Variants in HNF4G observed in about 807,000 individuals in gnomAD.
HNF4G encodes the protein hepatocyte nuclear factor 4-gamma.
In HNF4G, 21 loss-of-function variants were observed where a neutral mutation model predicts 50.9. The observed-to-expected ratio is 0.41, with a 90% CI of 0.29 to 0.59. The LOEUF is 0.59. Ranked by LOEUF, HNF4G falls within the 20% of genes least tolerant of loss-of-function variation. The pLI is 0.26. For missense variants in HNF4G, 527 were observed against 559.4 expected, an observed-to-expected ratio of 0.94 and a Z score of 0.58; for synonymous variants, 198 against 185.6, an observed-to-expected ratio of 1.07 and a Z score of -0.54.
At chr8:75,422,617 C>T (rs914688491) in intron 1 of HNF4G, among the ~76,000 whole-genome samples, 5 of 151,590 alleles carry the variant, frequency 3.3e-5, no homozygotes, top group Admixed American at 3.3e-4. Flanking sequence ...TCTCTGAAAA[C>T]TTATTTCTCT....
chr8:75,558,434 G>A (rs1807194685), intron 6 of HNF4G, 84 bp from the exon 7 acceptor site: 1 of 1,273,416 alleles, frequency 7.9e-7, no homozygotes, highest in African/African-American at 1.5e-5. Flanking sequence ...TTAAACACCG[G>A]TTTGTTAAAT....
Position 75,553,040 on chromosome 8 carries a change from A to C in HNF4G, c.490-2A>C. 1.2e-6 allele frequency: 2 copies of C among 1,600,776 alleles called. No individual in the cohort carries two copies. The highest frequency in any genetic ancestry group is 1.1e-5 in the South Asian group (1 of 89,648). On this transcript the variant is annotated splice_acceptor_variant, in intron 4 of 9. Transcript: ENST00000396423. LOFTEE classifies it high-confidence loss of function. The stretch of plus-strand genomic sequence containing the variant: ...ATAATATAATGCTTTTCTTAATACT[A>C]GATCTCAGTCTCAAGCCCTGGGTCA...
chr8:75,511,267 C>A lies in HNF4G; in HGVS notation c.-24+21059C>A, dbSNP rs548704889. 2.5e-3 allele frequency among the ~76,000 whole-genome samples: 376 copies of A among 152,226 alleles called. 2 individuals are homozygous for A. Among genetic ancestry groups the A allele is most frequent in the Middle Eastern group, 6.8e-3 (2 of 294 alleles). ...TTAGACTGGAATGCCATGTGGATAT[C>A]AACTTTTGTCTAGGCATAGCTCTAT... On this transcript the variant is annotated intron_variant, in intron 2 of 10. Coordinates refer to the HNF4G transcript ENST00000354370.
intron 2 of HNF4G, among the ~76,000 whole-genome samples, chr8:75,510,335 T>C (rs1264697241): frequency 6.6e-6 from 1 of 152,206 alleles, no homozygotes; most frequent in Non-Finnish European, 1.5e-5. Context: ...TAAAATGTTA[T>C]AGTAAGTTAA....
chr8:75,425,233 T>C (rs1160676637), intron 1 of HNF4G, among the ~76,000 whole-genome samples: 2 of 151,936 alleles, frequency 1.3e-5, no homozygotes, highest in African/African-American at 4.8e-5. Flanking sequence ...TACAGGCACC[T>C]GCCATCATGC....
chr8:75,507,492 C>G lies in HNF4G; in HGVS notation c.-24+17284C>G, dbSNP rs1010677109. Among the ~76,000 whole-genome samples, 101 of 152,294 alleles carry G rather than the reference C, an allele frequency of 6.6e-4. 1 individual carries two copies. The highest frequency in any genetic ancestry group is 2.4e-3 in the African/African-American group (98 of 41,576). On this transcript the variant is annotated intron_variant, in intron 2 of 10. Coordinates refer to the HNF4G transcript ENST00000354370. ...GCCAGGCTGGTCTCGAACTCTTGACCTCGTGATCCACCTGCCTTGGCCTCC... is the reference window on the plus strand; with the variant it reads ...GCCAGGCTGGTCTCGAACTCTTGACGTCGTGATCCACCTGCCTTGGCCTCC...
intron 1 of HNF4G, among the ~76,000 whole-genome samples, chr8:75,445,031 A>G (rs2130559164): frequency 6.6e-6 from 1 of 150,944 alleles, no homozygotes; most frequent in African/African-American, 2.4e-5. Context: ...ACTTGGAAGT[A>G]AAGCTCTCCT....
intron 1 of HNF4G, among the ~76,000 whole-genome samples, chr8:75,453,739 A>ATC (rs1292776124): frequency 6.6e-5 from 10 of 152,114 alleles, no homozygotes; most frequent in Admixed American, 1.3e-4. Flanking sequence ...TAAGACCTTG[A>ATC]TCTGTCTTCT....
At chr8:75,483,451 C>T (rs1268479283) in intron 1 of HNF4G, among the ~76,000 whole-genome samples, 1 of 152,138 alleles carries the variant, frequency 6.6e-6, no homozygotes, top group African/African-American at 2.4e-5. Flanking sequence ...TCCACCCATT[C>T]CACCCAGAGA....
At chr8:75,469,575 A>T (rs1409722422) in intron 1 of HNF4G, among the ~76,000 whole-genome samples, 1 of 152,160 alleles carries the variant, frequency 6.6e-6, no homozygotes, top group Non-Finnish European at 1.5e-5. Context: ...GTGGCAGAAG[A>T]CAGAGAAGAA....
rs926858162 is a variant in HNF4G at position 75,467,714 on chromosome 8, A to T, written c.-143-22375A>T. On this transcript the variant is annotated intron_variant, in intron 1 of 10. Transcript: ENST00000354370. ...AGCAAACAGCACACTGAAGTCACAA[A>T]TTTTTATCTATCCATATATTTTACT... 3.9e-5 allele frequency among the ~76,000 whole-genome samples: 6 copies of T among 152,208 alleles called. 1 individual carries two copies. Among genetic ancestry groups the T allele is most frequent in the Admixed American group, 3.3e-4 (5 of 15,276 alleles).
intron 1 of HNF4G, among the ~76,000 whole-genome samples, chr8:75,467,843 G>T (rs1010039824): frequency 1.3e-5 from 2 of 151,962 alleles, no homozygotes; most frequent in Non-Finnish European, 2.9e-5. Context: ...ACAGAATCCA[G>T]AGTCCTAATC....
At chr8:75,480,073 A>G (rs1812340276) in intron 1 of HNF4G, among the ~76,000 whole-genome samples, 1 of 152,192 alleles carries the variant, frequency 6.6e-6, no homozygotes, top group Admixed American at 6.5e-5. Context: ...TATTAAATGT[A>G]TGCTTAATTG....
intron 2 of HNF4G, among the ~76,000 whole-genome samples, chr8:75,497,377 G>A (rs58134566): frequency 0.019 from 2,909 of 152,138 alleles, 89 homozygotes; most frequent in East Asian, 0.14. Context: ...ACCTAATAAT[G>A]TATTGAAGAA....
chr8:75,558,695 G>C, intron 7 of HNF4G, 25 bp downstream of exon 7: 10 of 1,597,428 alleles, frequency 6.3e-6, no homozygotes, highest in Non-Finnish European at 8.6e-6. Context: ...TTCCACTAGA[G>C]AATTAATATA....
intron 2 of HNF4G, chr8:75,527,118 C>T (rs117701750): frequency 1.3e-5 from 2 of 152,086 alleles, no homozygotes; most frequent in African/African-American, 2.4e-5. Context: ...CCCTGTTTGC[C>T]TCATTTTTGT....
At chr8:75,560,246 T>C (rs933353952) in intron 8 of HNF4G, 98 bp from the exon 9 acceptor site, 25 of 1,301,118 alleles carry the variant, frequency 1.9e-5, no homozygotes, top group Non-Finnish European at 2.5e-5. Flanking sequence ...TTGGCAAAAA[T>C]AGCGATATTT....
chr8:75,517,088 C>A (rs925616629), intron 2 of HNF4G, among the ~76,000 whole-genome samples: 1 of 152,080 alleles, frequency 6.6e-6, no homozygotes, highest in African/African-American at 2.4e-5. Flanking sequence ...GAACTAACTC[C>A]CCTTTATAAG....
At chr8:75,500,365 G>A (rs1812896006) in intron 2 of HNF4G, among the ~76,000 whole-genome samples, 1 of 152,124 alleles carries the variant, frequency 6.6e-6, no homozygotes, top group Non-Finnish European at 1.5e-5. Flanking sequence ...AAGGCAGAAA[G>A]TAACGAGTGT....
Sources: allele counts gnomAD v4.1 joint callset (sites outside exome capture counted in the v4.1 genomes callset), GRCh38; gene constraint gnomAD v4.1.1; transcripts MANE v1.5; gene names NCBI Gene and HGNC (gene_info 2026-07-23, HGNC 2026-07-21).